Variants in RIMBP2 observed in about 807,000 individuals in gnomAD.
RIMBP2 encodes RIMS-binding protein 2.
RIMBP2 carries 48 observed loss-of-function variants against 118.6 expected under a neutral mutation model. That is an observed-to-expected ratio of 0.40 (90% CI 0.32 to 0.51). RIMBP2 has a LOEUF of 0.51. RIMBP2 is among the 20% of genes least tolerant of loss of function. The pLI is 0.41. For synonymous variants in RIMBP2, 762 were observed against 742.9 expected, an observed-to-expected ratio of 1.03 and a Z score of -0.42; for missense variants, 1,551 against 1,768.3, an observed-to-expected ratio of 0.88 and a Z score of 2.20.
At chr12:130,695,007 G>A (rs2065499451) in intron 1 of RIMBP2, among the ~76,000 whole-genome samples, 1 of 152,214 alleles carries the variant, frequency 6.6e-6, no homozygotes, top group Non-Finnish European at 1.5e-5. Flanking sequence ...TTTCCCGTCA[G>A]TGTCGCTCCC....
chr12:130,580,028 C>CAAAA (rs55653381), intron 2 of RIMBP2, among the ~76,000 whole-genome samples: 34 of 116,492 alleles, frequency 2.9e-4, no homozygotes, highest in South Asian at 1.5e-3. Context: ...ACCAAAAATA[C>CAAAA]AAAAAAAAAA....
At chr12:130,451,954 G>C (rs1025854937) in intron 7 of RIMBP2, among the ~76,000 whole-genome samples, 11 of 152,224 alleles carry the variant, frequency 7.2e-5, no homozygotes, top group Non-Finnish European at 1.6e-4. Flanking sequence ...CTTGACGAGA[G>C]ATTTGCAAGG....
chr12:130,507,828 C>T (rs556902186), intron 3 of RIMBP2, among the ~76,000 whole-genome samples: 10 of 152,310 alleles, frequency 6.6e-5, no homozygotes, highest in Non-Finnish European at 1.3e-4. Flanking sequence ...AACAGACTAA[C>T]ATAATGTCAC....
intron 17 of RIMBP2, among the ~76,000 whole-genome samples, chr12:130,416,947 TA>T: frequency 6.6e-6 from 1 of 151,522 alleles, no homozygotes; most frequent in East Asian, 1.9e-4. Flanking sequence ...TAATAAAATA[TA>T]AATAAAAAAT....
chr12:130,640,684 C>T (rs1402952713), intron 1 of RIMBP2, among the ~76,000 whole-genome samples: 1 of 152,196 alleles, frequency 6.6e-6, no homozygotes, highest in Non-Finnish European at 1.5e-5. Flanking sequence ...CAGGCACCTC[C>T]TGGTCCTACA....
chr12:130,605,791 C>T (rs565081562), intron 2 of RIMBP2, among the ~76,000 whole-genome samples: 10 of 152,262 alleles, frequency 6.6e-5, no homozygotes, highest in African/African-American at 2.4e-4. Context: ...GGGCCAGGCA[C>T]AGTGGCCCAC....
intron 2 of RIMBP2, among the ~76,000 whole-genome samples, chr12:130,553,961 T>C (rs1809165675): frequency 6.6e-6 from 1 of 152,128 alleles, no homozygotes; most frequent in African/African-American, 2.4e-5. Context: ...GGGATCACAG[T>C]AAAAATTCCA....
At chr12:130,662,066 C>T (rs943748733) in intron 1 of RIMBP2, among the ~76,000 whole-genome samples, 11 of 152,206 alleles carry the variant, frequency 7.2e-5, no homozygotes, top group African/African-American at 1.9e-4. Context: ...GCTGGCCCCA[C>T]GCCCCAGCAG....
chr12:130,417,659 C>A (rs2076177995), intron 17 of RIMBP2, among the ~76,000 whole-genome samples: 1 of 152,206 alleles, frequency 6.6e-6, no homozygotes, highest in Non-Finnish European at 1.5e-5. Flanking sequence ...TCATTTGTAA[C>A]CCAAACATCA....
intron 19 of RIMBP2, among the ~76,000 whole-genome samples, chr12:130,412,411 G>A (rs1322845107): frequency 6.6e-6 from 1 of 152,184 alleles, no homozygotes; most frequent in African/African-American, 2.4e-5. Context: ...AGGTGTATCT[G>A]TGTCCCTAAA....
At chr12:130,441,411 A>AATCATC (rs377315863) in intron 11 of RIMBP2, among the ~76,000 whole-genome samples, 7 of 114,192 alleles carry the variant, frequency 6.1e-5, no homozygotes, top group South Asian at 5.0e-4. Flanking sequence ...AAATAATAAT[A>AATCATC]ATAATAATAA....
intron 7 of RIMBP2, among the ~76,000 whole-genome samples, chr12:130,454,860 C>T (rs1335379156): frequency 1.3e-5 from 2 of 152,216 alleles, no homozygotes; most frequent in African/African-American, 2.4e-5. Flanking sequence ...CTGCTGTTTA[C>T]AGAAGGGCCA....
rs1183583001 is a variant in RIMBP2 at position 130,434,814 on chromosome 12, C to T, written c.2173G>A (p.Asp725Asn). Residue 725 changes from aspartate (D) to asparagine (N), a missense_variant, in exon 14 of 23, where the codon GAC (aspartate) becomes AAC (asparagine). Physicochemically the swap from Asp to Asn is conservative, Grantham distance 23 (BLOSUM62 1). Transcript: ENST00000690449. The surrounding 1 kb of genome is among the most constrained non-coding windows in gnomAD (Gnocchi z 5.7). Reference sequence around the variant, plus strand: ...TTGAAGTCTGGAGAGTCATAGGCGTCCTCCTCGTCTGAGGCGGCGTACTGC... The same window carrying T: ...TTGAAGTCTGGAGAGTCATAGGCGTTCTCCTCGTCTGAGGCGGCGTACTGC... ...AGQYAASDEE[D>N]AYDSPDFKRR... The T allele has an allele frequency of 6.2e-7, 1 of 1,613,972 alleles. No individual in the cohort carries two copies. Among genetic ancestry groups the T allele is most frequent in the Non-Finnish European group, 8.5e-7 (1 of 1,180,002 alleles).
chr12:130,645,586 C>A (rs1035015003), intron 1 of RIMBP2, among the ~76,000 whole-genome samples: 4 of 152,190 alleles, frequency 2.6e-5, no homozygotes, highest in African/African-American at 9.7e-5. Context: ...ATGCCCTCTC[C>A]CACTGGAGCA....
intron 1 of RIMBP2, among the ~76,000 whole-genome samples, chr12:130,652,146 T>C (rs914466150): frequency 7.2e-5 from 11 of 152,214 alleles, no homozygotes; most frequent in Admixed American, 7.2e-4. Context: ...TTCCTTGGAG[T>C]GTAGCTTTGG....
intron 2 of RIMBP2, among the ~76,000 whole-genome samples, chr12:130,573,407 T>TGTGTGCGTGTGA (rs1491579088): frequency 7.1e-6 from 1 of 141,720 alleles, no homozygotes; most frequent in Non-Finnish European, 1.5e-5. Context: ...TGTGTGCGAC[T>TGTGTGCGTGTGA]GTGTGCGTGT....
chr12:130,507,718 A>ATTCATT (rs1287586777), intron 3 of RIMBP2, among the ~76,000 whole-genome samples: 23 of 152,200 alleles, frequency 1.5e-4, no homozygotes, highest in African/African-American at 5.5e-4. Context: ...TTCCTTTCCC[A>ATTCATT]TTCATTTTCA....
At chr12:130,613,831 A>T (rs996143778) in intron 2 of RIMBP2, among the ~76,000 whole-genome samples, 1 of 151,340 alleles carries the variant, frequency 6.6e-6, no homozygotes, top group Non-Finnish European at 1.5e-5. Flanking sequence ...AAAAAAAAAA[A>T]AACTCAGTCT....
chr12:130,644,930 C>T (rs937283194), intron 1 of RIMBP2, among the ~76,000 whole-genome samples: 1 of 152,192 alleles, frequency 6.6e-6, no homozygotes, highest in African/African-American at 2.4e-5. Flanking sequence ...GCGGCAATGA[C>T]CAAGGACATT....
Sources: gnomAD v4.1 joint callset for allele counts (sites outside exome capture counted in the v4.1 genomes callset) on GRCh38, gnomAD v4.1.1 for gene constraint, Gnocchi (gnomAD v3.1) non-coding constraint, MANE v1.5 for transcripts, NCBI Gene and HGNC (gene_info 2026-07-23, HGNC 2026-07-21) for gene names.